The following ZNF565 variants were observed in gnomAD, a reference collection of about 807,000 sequenced individuals.
ZNF565 encodes the protein zinc finger protein 565.
ZNF565 carries 27 observed loss-of-function variants against 39.4 expected under a neutral mutation model. The ratio of observed to expected loss-of-function variants is 0.69; its 90% CI spans 0.51 to 0.95. The LOEUF is 0.95. Among genes scored for constraint, ZNF565 ranks in the 40% least tolerant of loss-of-function variants. The pLI, the probability that ZNF565 is intolerant of heterozygous loss-of-function variation, is 0.00. For missense variants in ZNF565, 524 were observed against 621.1 expected, an observed-to-expected ratio of 0.84 and a Z score of 1.66; for synonymous variants, 185 against 216.6, an observed-to-expected ratio of 0.85 and a Z score of 1.28.
chr19:36,220,318 A>G (rs1243477999), intron 1 of ZNF565, among the ~76,000 whole-genome samples: 1 of 107,054 alleles, frequency 9.3e-6, no homozygotes, highest in African/African-American at 2.7e-5. Flanking sequence ...TTTAAATGGT[A>G]TAGTATTTTT....
At chr19:36,244,519 C>T (rs1212599927) in intron 1 of ZNF565, among the ~76,000 whole-genome samples, 1 of 151,462 alleles carries the variant, frequency 6.6e-6, no homozygotes, top group African/African-American at 2.4e-5. Flanking sequence ...CCGACCTGGG[C>T]AACAGAGCAA....
At chr19:36,239,068 C>G (rs1006616257) in intron 1 of ZNF565, among the ~76,000 whole-genome samples, 1 of 152,170 alleles carries the variant, frequency 6.6e-6, no homozygotes, top group African/African-American at 2.4e-5. Context: ...ACAAACCGTC[C>G]GTGGAAAAAT....
chr19:36,244,904 T>A (rs1017444754), intron 1 of ZNF565, among the ~76,000 whole-genome samples: 2 of 151,728 alleles, frequency 1.3e-5, no homozygotes, highest in African/African-American at 4.8e-5. Flanking sequence ...TTAGAACGTG[T>A]CTTTTTCATC....
rs35919628 is a variant in ZNF565, at chr19:36,194,358, T to G, written c.137-30A>C. The G allele has an allele frequency of 1.1e-4, 168 of 1,551,278 alleles. 2 individuals carry two copies. In the African/African-American group the frequency reaches 2.1e-3, roughly 19 times the overall value. On this transcript the variant is annotated intron_variant, in intron 3 of 4. Coordinates refer to ENST00000304116, the MANE Select transcript of ZNF565 (RefSeq NM_152477.5). The stretch of plus-strand genomic sequence containing the variant: ...TTACAGGAAAAGAAATGGGGTGTGA[T>G]CAGACCGCTCCAAAATCCAAACCCA...
chr19:36,212,283 C>T (rs1009808056), intron 1 of ZNF565, among the ~76,000 whole-genome samples: 1 of 152,002 alleles, frequency 6.6e-6, no homozygotes, highest in East Asian at 1.9e-4. Flanking sequence ...ACTAAAAATA[C>T]AAAAAATTGG....
chr19:36,237,630 A>T (rs1977693049), intron 1 of ZNF565: 1 of 227,252 alleles, frequency 4.4e-6, no homozygotes, highest in Non-Finnish European at 9.4e-6. Context: ...GATCTTCGCC[A>T]GTAACAAGAA....
At chr19:36,236,206 G>A (rs897386729) in intron 1 of ZNF565, 1 of 457,120 alleles carries the variant, frequency 2.2e-6, no homozygotes, top group Non-Finnish European at 3.8e-6. Context: ...AGTGAAGGTA[G>A]CAATACTTCA....
chr19:36,229,103 T>TACCTTTTCCTGTCCTCAC (rs1249748696), intron 1 of ZNF565, among the ~76,000 whole-genome samples: 1 of 152,232 alleles, frequency 6.6e-6, no homozygotes, highest in South Asian at 2.1e-4. Flanking sequence ...TTCATCCACA[T>TACCTTTTCCTGTCCTCAC]ACCTTTTCCT....
At chr19:36,220,005 C>CT (rs1486909469) in intron 1 of ZNF565, among the ~76,000 whole-genome samples, 6 of 152,100 alleles carry the variant, frequency 3.9e-5, no homozygotes, top group African/African-American at 1.4e-4. Context: ...ATCAGCTGCA[C>CT]TTTTTGATGC....
chr19:36,193,003 GTTT>G (rs1270638019), intron 4 of ZNF565, among the ~76,000 whole-genome samples: 14 of 151,114 alleles, frequency 9.3e-5, no homozygotes, highest in Admixed American at 8.6e-4. Context: ...TTGTTTGTTT[GTTT>G]GTTTTTTGAG....
chr19:36,229,032 T>C (rs545491466), intron 1 of ZNF565, among the ~76,000 whole-genome samples: 45 of 152,380 alleles, frequency 3.0e-4, no homozygotes, highest in African/African-American at 1.1e-3. Context: ...GCCCCTCCTG[T>C]TGCTGTTCTG....
At chr19:36,244,845 G>A (rs2029881368) in intron 1 of ZNF565, among the ~76,000 whole-genome samples, 2 of 78,322 alleles carry the variant, frequency 2.6e-5, no homozygotes, top group African/African-American at 5.1e-5. Flanking sequence ...GCAAGACTAC[G>A]TCTTAAAAAA....
chr19:36,188,549 T>A (rs2145306239), intron 4 of ZNF565, among the ~76,000 whole-genome samples: 1 of 150,000 alleles, frequency 6.7e-6, no homozygotes, highest in Non-Finnish European at 1.5e-5. Context: ...CCGTCTCTAC[T>A]AAAAATGCTA....
At chr19:36,215,504 G>T (rs1976563225), upstream of ZNF565, among the ~76,000 whole-genome samples, 1 of 152,066 alleles carries the variant, frequency 6.6e-6, no homozygotes, top group Admixed American at 6.6e-5. Flanking sequence ...TTCCCTTGTC[G>T]AAAGTGCTGA....
In ZNF565 at chr19:36,225,359, C is replaced by T. The variant is rs79651410; in HGVS notation, c.55+20117G>A. Among the ~76,000 whole-genome samples the T allele has an allele frequency of 1.7e-4, 26 of 152,170 alleles. 1 individual carries two copies. The highest frequency in any genetic ancestry group is 1.1e-3 in the Admixed American group (17 of 15,274). On this transcript the variant is annotated intron_variant, in intron 1 of 4. Coordinates refer to the ZNF565 transcript ENST00000355114. ...CTATTCCTATTCTTCTGTTTTCTGT[C>T]GATTCCCTTCTTTTGGGTGACTGTT...
chr19:36,230,404 TA>T (rs1177449597), intron 1 of ZNF565, among the ~76,000 whole-genome samples: 1 of 152,078 alleles, frequency 6.6e-6, no homozygotes, highest in Non-Finnish European at 1.5e-5. Flanking sequence ...AGTAAATACT[TA>T]AAAAATGTAT....
intron 1 of ZNF565, among the ~76,000 whole-genome samples, chr19:36,205,533 C>A (rs138013220): frequency 6.6e-6 from 1 of 150,820 alleles, no homozygotes; most frequent in Admixed American, 6.6e-5. Flanking sequence ...CTCTCCAAAA[C>A]AAAAAAGAAA....
At position 36,194,336 on chromosome 19, in the gene ZNF565, C is replaced by T. The variant is rs1391336618; in HGVS notation, c.137-8G>A. The T allele has an allele frequency of 1.2e-6, 2 of 1,602,160 alleles. No homozygotes were observed. Among genetic ancestry groups the T allele is most frequent in the Non-Finnish European group, 1.7e-6 (2 of 1,173,770 alleles). ...GCTTAGAAATGGAGAGTCCTGTTTA[C>T]AGGAAAAGAAATGGGGTGTGATCAG... On this transcript the variant is annotated splice_region_variant and splice_polypyrimidine_tract_variant and intron_variant, in intron 3 of 4. Transcript: ENST00000304116.
intron 4 of ZNF565, among the ~76,000 whole-genome samples, chr19:36,187,320 C>T (rs1276138876): frequency 6.6e-6 from 1 of 151,768 alleles, no homozygotes; most frequent in Admixed American, 6.6e-5. Context: ...ACCTAATAGC[C>T]TCCTAATATA....
Sources: gnomAD v4.1 joint callset for allele counts (sites outside exome capture counted in the v4.1 genomes callset) on GRCh38, gnomAD v4.1.1 for gene constraint, MANE v1.5 for transcripts, NCBI Gene and HGNC (gene_info 2026-07-23, HGNC 2026-07-21) for gene names.